SPATS1: variants seen among roughly 807,000 people sequenced by gnomAD.
SPATS1 encodes spermatogenesis-associated serine-rich protein 1.
A neutral mutation model predicts 33.6 loss-of-function variants in SPATS1; 23 were observed. The ratio of observed to expected loss-of-function variants is 0.68; its 90% CI spans 0.49 to 0.97. SPATS1 has a LOEUF of 0.97. SPATS1 is among the 50% of genes least tolerant of loss of function. The probability of loss-of-function intolerance (pLI) is 0.00; values close to 1 mark genes in which losing one functional copy is unlikely to be tolerated. For synonymous variants in SPATS1, 131 were observed against 125.6 expected (o/e 1.04, Z -0.29); for missense variants, 327 against 361.0 (o/e 0.91, Z 0.76).
intron 2 of SPATS1, among the ~76,000 whole-genome samples, chr6:44,346,135 CA>C (rs1014390798): frequency 2.0e-5 from 3 of 151,570 alleles, no homozygotes; most frequent in Admixed American, 6.6e-5. Context: ...ACAACAACAA[CA>C]AAAAAATAGC....
chr6:44,352,703 A>G (rs539588973), intron 2 of SPATS1, 23 bp from the exon 3 acceptor site: 3 of 1,607,406 alleles, frequency 1.9e-6, no homozygotes, highest in Non-Finnish European at 2.6e-6. Flanking sequence ...ATGTAATTAA[A>G]TGGTGATATC....
intron 6 of SPATS1, among the ~76,000 whole-genome samples, chr6:44,369,115 CT>C (rs1363707069): frequency 1.3e-5 from 2 of 152,050 alleles, no homozygotes; most frequent in East Asian, 1.9e-4. Flanking sequence ...CCAGGATGGT[CT>C]TGATCTCCTG....
At chr6:44,364,721 T>A (rs1287075068) in intron 5 of SPATS1, among the ~76,000 whole-genome samples, 1 of 151,404 alleles carries the variant, frequency 6.6e-6, no homozygotes, top group African/African-American at 2.4e-5. Context: ...ACTCTTTCTT[T>A]CTTTTCTTTC....
intron 7 of SPATS1, among the ~76,000 whole-genome samples, chr6:44,372,762 G>C (rs185110834): frequency 1.3e-5 from 2 of 152,140 alleles, no homozygotes; most frequent in Non-Finnish European, 2.9e-5. Flanking sequence ...AACAGGCCTT[G>C]TGGTCTTCTT....
At chr6:44,375,431 T>C (rs545927461) in intron 7 of SPATS1, among the ~76,000 whole-genome samples, 1 of 152,214 alleles carries the variant, frequency 6.6e-6, no homozygotes, top group South Asian at 2.1e-4. Context: ...AGATAGGACA[T>C]CAGGGGAGGA....
intron 2 of SPATS1, among the ~76,000 whole-genome samples, chr6:44,348,707 T>C (rs1788051091): frequency 6.6e-6 from 1 of 152,218 alleles, no homozygotes; most frequent in Non-Finnish European, 1.5e-5. Flanking sequence ...GAAGCACTTT[T>C]GCGCGGTGGC....
intron 3 of SPATS1, among the ~76,000 whole-genome samples, chr6:44,359,112 C>T (rs1788752702): frequency 6.6e-6 from 1 of 152,000 alleles, no homozygotes; most frequent in Non-Finnish European, 1.5e-5. Flanking sequence ...AGGTGTGCAC[C>T]ACCACACCTG....
intron 7 of SPATS1, among the ~76,000 whole-genome samples, chr6:44,374,150 T>C (rs1015702433): frequency 3.3e-5 from 5 of 152,180 alleles, no homozygotes; most frequent in Non-Finnish European, 7.3e-5. Flanking sequence ...GGTCACTTAA[T>C]ATTTATTTTT....
At chr6:44,357,140 C>T (rs1026206703) in intron 3 of SPATS1, among the ~76,000 whole-genome samples, 12 of 152,162 alleles carry the variant, frequency 7.9e-5, no homozygotes, top group African/African-American at 2.9e-4. Context: ...CTCTTCTCCA[C>T]CTTTATCTCA....
At chr6:44,376,118 T>C (rs915303585) in intron 7 of SPATS1, among the ~76,000 whole-genome samples, 6 of 149,654 alleles carry the variant, frequency 4.0e-5, no homozygotes, top group Admixed American at 6.6e-5. Context: ...AAAAAAAAAA[T>C]GTGGAAGCAC....
intron 4 of SPATS1, chr6:44,361,212 G>A (rs1256422364): frequency 2.5e-6 from 1 of 397,248 alleles, no homozygotes; most frequent in Non-Finnish European, 3.4e-6. Context: ...AGCTACTAGG[G>A]GATCTTTTAT....
intron 2 of SPATS1, among the ~76,000 whole-genome samples, chr6:44,348,350 A>G (rs1208142988): frequency 2.6e-5 from 4 of 152,018 alleles, no homozygotes; most frequent in Non-Finnish European, 5.9e-5. Context: ...TATCTGCATT[A>G]TCAGCTTTTG....
At chr6:44,346,999 A>G (rs1220419909) in intron 2 of SPATS1, among the ~76,000 whole-genome samples, 1 of 152,240 alleles carries the variant, frequency 6.6e-6, no homozygotes, top group South Asian at 2.1e-4. Flanking sequence ...GATAGACTGG[A>G]TAGAGAAAAC....
intron 5 of SPATS1, among the ~76,000 whole-genome samples, chr6:44,367,991 C>G (rs959710192): frequency 1.3e-5 from 2 of 152,158 alleles, no homozygotes; most frequent in Non-Finnish European, 2.9e-5. Context: ...GGCAGAGCCC[C>G]AGGGACACTT....
At chr6:44,376,314 T>A in intron 7 of SPATS1, 44 bp from the exon 8 acceptor site, 2 of 1,338,762 alleles carry the variant, frequency 1.5e-6, no homozygotes, top group Non-Finnish European at 1.1e-6. Flanking sequence ...TGTTTGTAAA[T>A]TTTGCATCAA....
chr6:44,351,516 G>T (rs1391564542), intron 2 of SPATS1, among the ~76,000 whole-genome samples: 1 of 152,146 alleles, frequency 6.6e-6, no homozygotes, highest in Non-Finnish European at 1.5e-5. Context: ...ATAACCAGAG[G>T]TTACATTGCC....
In SPATS1 at chr6:44,379,614, AAAAAAAAAAAAAAG is replaced by A. The variant is rs1314778667; in HGVS notation, c.*2555_*2568del. ...GACTCTGTCTCAAAAAAAAAAAAAA[AAAAAAAAAAAAAAG>A]AAAGAAAGAAAGAAAGAAAAACAAC... On this transcript the variant is annotated 3_prime_UTR_variant, in exon 9 of 9. Coordinates refer to ENST00000674044, the MANE Select transcript of SPATS1 (RefSeq NM_001372081.1). Among the ~76,000 whole-genome samples the A allele has an allele frequency of 9.4e-5, 14 of 148,780 alleles. No homozygotes were observed. The highest frequency in any genetic ancestry group is 9.4e-4 in the Admixed American group (14 of 14,932).
At chr6:44,343,630 G>T in intron 2 of SPATS1, 1 of 391,438 alleles carries the variant, frequency 2.6e-6, no homozygotes, top group East Asian at 7.1e-5. Flanking sequence ...CCTTTGCTCA[G>T]ATATTAGTAG....
chr6:44,359,460 G>A (rs1208380579), intron 3 of SPATS1, among the ~76,000 whole-genome samples: 1 of 152,058 alleles, frequency 6.6e-6, no homozygotes, highest in Non-Finnish European at 1.5e-5. Context: ...ACCTATTCTA[G>A]ATATTTCATA....
Sources: allele counts gnomAD v4.1 joint callset (sites outside exome capture counted in the v4.1 genomes callset), GRCh38; gene constraint gnomAD v4.1.1; transcripts MANE v1.5; gene names NCBI Gene and HGNC (gene_info 2026-07-23, HGNC 2026-07-21).